Variants in COL24A1 observed in about 807,000 individuals in gnomAD.
COL24A1 encodes collagen alpha-1(XXIV) chain.
A neutral mutation model predicts 253.9 loss-of-function variants in COL24A1; 224 were observed. The observed-to-expected ratio is 0.88, with a 90% CI of 0.79 to 0.99. The LOEUF (loss-of-function observed/expected upper bound fraction) is 0.99, where lower values mean the gene tolerates loss of function less well. Among genes scored for constraint, COL24A1 ranks in the 50% least tolerant of loss-of-function variants. The probability of loss-of-function intolerance (pLI) is 0.00; values close to 1 mark genes in which losing one functional copy is unlikely to be tolerated. For missense variants in COL24A1, 2,131 were observed against 2,068.5 expected (o/e 1.03, Z -0.59); for synonymous variants, 685 against 673.7 (o/e 1.02, Z -0.26).
intron 24 of COL24A1, among the ~76,000 whole-genome samples, chr1:85,924,371 A>G (rs901658308): frequency 6.6e-6 from 1 of 152,222 alleles, no homozygotes; most frequent in Non-Finnish European, 1.5e-5. Flanking sequence ...CAACAAAAAA[A>G]GAGAATTTTA....
At chr1:86,103,752 C>T (rs1248056737) in intron 5 of COL24A1, among the ~76,000 whole-genome samples, 1 of 152,206 alleles carries the variant, frequency 6.6e-6, no homozygotes, top group Non-Finnish European at 1.5e-5. Flanking sequence ...GAAAGGTCTG[C>T]TGTTAGTCTG....
At chr1:85,783,625 A>T (rs889543041) in intron 50 of COL24A1, 67 bp from the exon 51 acceptor site, 2 of 1,364,286 alleles carry the variant, frequency 1.5e-6, no homozygotes, top group African/African-American at 2.9e-5. Flanking sequence ...ACAAAACTAT[A>T]TAAATCTATC....
At chr1:85,739,306 G>T (rs150697538) in intron 57 of COL24A1, among the ~76,000 whole-genome samples, 5,003 of 152,206 alleles carry the variant, frequency 0.033, 130 homozygotes, top group Non-Finnish European at 0.045. Context: ...TTTATATGGG[G>T]TGAAATGCTT....
intron 7 of COL24A1, among the ~76,000 whole-genome samples, chr1:86,085,629 C>G (rs926552968): frequency 6.6e-6 from 1 of 152,098 alleles, no homozygotes; most frequent in East Asian, 1.9e-4. Flanking sequence ...TGATTCCAAA[C>G]GCAGAATTAG....
chr1:85,780,802 C>A (rs1366894296), intron 52 of COL24A1, among the ~76,000 whole-genome samples: 1 of 152,182 alleles, frequency 6.6e-6, no homozygotes, highest in Non-Finnish European at 1.5e-5. Context: ...TTGACTACTC[C>A]TTTCTTGAAA....
At chr1:85,765,060 A>C (rs771244992) in intron 53 of COL24A1, among the ~76,000 whole-genome samples, 2 of 152,216 alleles carry the variant, frequency 1.3e-5, no homozygotes, top group Non-Finnish European at 2.9e-5. Context: ...ACTATTTATG[A>C]ATTTTAAAAA....
At chr1:85,961,438 T>C in intron 23 of COL24A1, 145 bp from the exon 24 acceptor site, 2 of 648,988 alleles carry the variant, frequency 3.1e-6, no homozygotes, top group Non-Finnish European at 2.7e-6. Flanking sequence ...AAAACTTTGT[T>C]ATAAGTGGAG....
chr1:86,077,241 A>G (rs1471087745), intron 7 of COL24A1, among the ~76,000 whole-genome samples: 1 of 152,162 alleles, frequency 6.6e-6, no homozygotes, highest in Admixed American at 6.6e-5. Context: ...CATATGAAAA[A>G]AAGCTCATAT....
rs542904128 is a variant in COL24A1, at chr1:85,783,503, C to T, written c.4277G>A (p.Gly1426Glu). 4.2e-5 allele frequency: 67 copies of T among 1,613,232 alleles called. No individual in the cohort carries two copies. The highest frequency in any genetic ancestry group is 5.6e-5 in the Non-Finnish European group (66 of 1,179,428). The change falls in exon 51 of 60, where the codon GGA (glycine) becomes GAA (glutamate). Residue 1426 changes from glycine to glutamate, a missense_variant. Transcript: ENST00000370571. Reference protein sequence around the residue: ...VGISGPKGPIGHRGNTGPLGR... With the variant: ...VGISGPKGPIEHRGNTGPLGR... ...GAATGACTTTACACTTACTCTGTGT[C>T]CAATAGGACCTTTAGGACCTGATAT...
At chr1:85,803,496 T>C (rs143289413) in intron 47 of COL24A1, among the ~76,000 whole-genome samples, 81 of 150,856 alleles carry the variant, frequency 5.4e-4, no homozygotes, top group Admixed American at 1.3e-3. Flanking sequence ...TAGAGTCTTA[T>C]GATCCAGAGA....
At chr1:85,810,549 ATGT>A (rs760525461) in intron 47 of COL24A1, among the ~76,000 whole-genome samples, 77 of 152,002 alleles carry the variant, frequency 5.1e-4, no homozygotes, top group Admixed American at 5.2e-4. Flanking sequence ...CCCAAATCTC[ATGT>A]TGAATTGTAA....
intron 5 of COL24A1, among the ~76,000 whole-genome samples, chr1:86,106,882 T>C (rs541217853): frequency 4.6e-5 from 7 of 152,318 alleles, no homozygotes; most frequent in African/African-American, 1.7e-4. Context: ...CTGAGAAAAA[T>C]TGCTGCATAT....
At chr1:86,072,048 C>T (rs769608664) in intron 7 of COL24A1, among the ~76,000 whole-genome samples, 2 of 152,190 alleles carry the variant, frequency 1.3e-5, no homozygotes, top group Non-Finnish European at 2.9e-5. Context: ...GCCTACACCA[C>T]CAAGGGCCTG....
chr1:85,816,584 TA>T (rs1196057400), intron 47 of COL24A1, among the ~76,000 whole-genome samples: 2 of 152,200 alleles, frequency 1.3e-5, no homozygotes, highest in African/African-American at 4.8e-5. Context: ...CACTATGAGT[TA>T]TTAGATATAA....
rs116052312 is a variant in COL24A1, at chr1:86,136,183, G to T, written c.121+9936C>A. Among the ~76,000 whole-genome samples, 261 of 152,122 alleles carry T rather than the reference G, an allele frequency of 1.7e-3. 2 individuals are homozygous for T. The highest frequency in any genetic ancestry group is 5.9e-3 in the African/African-American group (246 of 41,520). On this transcript the variant is annotated intron_variant, in intron 2 of 59. Coordinates refer to ENST00000370571, the MANE Select transcript of COL24A1 (RefSeq NM_152890.7). ...GTGAGTAGATTTTTGCATTTTCTGAGATCTGTCCCCACTCATCCATTTTAG... is the reference window on the plus strand; with the variant it reads ...GTGAGTAGATTTTTGCATTTTCTGATATCTGTCCCCACTCATCCATTTTAG...
intron 5 of COL24A1, among the ~76,000 whole-genome samples, chr1:86,097,949 C>G (rs1605417): frequency 0.89 from 135,629 of 152,088 alleles, 61,068 homozygotes; most frequent in Non-Finnish European, 0.96. Flanking sequence ...TGGAAATTCT[C>G]GTCCAGATAG....
rs182346197 is a variant in COL24A1 at position 85,982,816 on chromosome 1, C to T, written c.2364+4785G>A. On this transcript the variant is annotated intron_variant, in intron 20 of 59. Coordinates refer to ENST00000370571, the MANE Select transcript of COL24A1 (RefSeq NM_152890.7). Reference sequence around the variant, plus strand: ...GTCACTGCTTAAACACAGTACCCTTCCCATTGTACAAACTCAATAAATATT... The same window carrying T: ...GTCACTGCTTAAACACAGTACCCTTTCCATTGTACAAACTCAATAAATATT... Among the ~76,000 whole-genome samples the T allele has an allele frequency of 1.7e-3, 253 of 152,100 alleles. 4 individuals carry two copies. The highest frequency in any genetic ancestry group is 5.8e-3 in the African/African-American group (240 of 41,552).
chr1:86,098,656 A>C (rs883201), intron 5 of COL24A1, among the ~76,000 whole-genome samples: 30,732 of 152,038 alleles, frequency 0.2, 3,162 homozygotes, highest in Middle Eastern at 0.24. Context: ...CCTTGGACTG[A>C]GACTCACACC....
rs185691710 is a variant in COL24A1 at position 86,063,351 on chromosome 1, C to A, written c.1752+364G>T. On this transcript the variant is annotated intron_variant, in intron 8 of 59. Transcript: ENST00000370571. ...TGACATTGTACAAAAAAAATTAAGT[C>A]TCTCTCTCTGTGTGTGTGTGTGTGT... 8.0e-3 allele frequency among the ~76,000 whole-genome samples: 1,192 copies of A among 149,212 alleles called. 18 individuals are homozygous for A. The highest frequency in any genetic ancestry group is 0.028 in the African/African-American group (1,133 of 40,086).
Sources: allele counts gnomAD v4.1 joint callset (sites outside exome capture counted in the v4.1 genomes callset), GRCh38; gene constraint gnomAD v4.1.1; transcripts MANE v1.5; gene names NCBI Gene and HGNC (gene_info 2026-07-23, HGNC 2026-07-21).